Variants in GNPTG observed in about 807,000 individuals in gnomAD.
GNPTG encodes the protein N-acetylglucosamine-1-phosphotransferase subunit gamma.
GNPTG carries 46 observed loss-of-function variants against 43.8 expected under a neutral mutation model. The observed-to-expected ratio is 1.05, with a 90% CI of 0.83 to 1.34. The LOEUF (loss-of-function observed/expected upper bound fraction) is 1.34. Ranked by LOEUF, GNPTG falls within the 40% of genes most tolerant of loss-of-function variation. The pLI, the probability that GNPTG is intolerant of heterozygous loss-of-function variation, is 0.00. For synonymous variants in GNPTG, 250 were observed against 172.8 expected (o/e 1.45, Z -3.50); for missense variants, 549 against 411.3 (o/e 1.33, Z -2.90).
intron 3 of GNPTG, among the ~76,000 whole-genome samples, chr16:1,354,364 T>G (rs924959427): frequency 6.6e-5 from 10 of 151,542 alleles, no homozygotes; most frequent in African/African-American, 2.2e-4. Context: ...TCGCTTGAGG[T>G]CAGGAGTTCG....
chr16:1,363,015 A>G lies in GNPTG; in HGVS notation c.842A>G (p.His281Arg). ...TRPTETSNLE[H>R]LGHETPRAKS... The stretch of plus-strand genomic sequence containing the variant: ...TTGGCAGAAACTTCCAACTTGGAGC[A>G]CTTGGGCCACGAGACGCCCAGAGCC... The change falls in exon 11 of 11, where the codon CAC becomes CGC. Residue 281 changes from histidine (H) to arginine (R), a missense_variant. His to Arg is a conservative substitution (Grantham distance 29). Transcript: ENST00000204679. 6.2e-7 allele frequency: 1 copy of G among 1,614,134 alleles called. No individual in the cohort carries two copies.
At position 1,364,111 on chromosome 16, in the gene GNPTG, C is replaced by T. The variant is rs951234534; in HGVS notation, c.*1020C>T. The T allele has an allele frequency of 3.9e-5, 6 of 152,320 alleles. No individual in the cohort carries two copies. Among genetic ancestry groups the T allele is most frequent in the Middle Eastern group, 3.4e-3 (1 of 294 alleles). The allele number at this position is 152,320 out of a possible 1,614,324, so 9.4% of individuals were successfully genotyped here. On this transcript the variant is annotated 3_prime_UTR_variant, in exon 11 of 11. Transcript: ENST00000204679. Reference sequence around the variant, plus strand: ...ACAAATAAAAACAGAGTTTACACATCGATGACAGTAGCACAAAATATACGT... The same window carrying T: ...ACAAATAAAAACAGAGTTTACACATTGATGACAGTAGCACAAAATATACGT...
Position 1,362,133 on chromosome 16 carries a change from T to TGGGGCCTCAGACGGGAGCCCGGGAAGA in GNPTG, c.411+9_411+35dup, listed in dbSNP as rs768086598. On this transcript the variant is annotated splice_region_variant and intron_variant, in intron 6 of 10. Transcript: ENST00000204679. ...CGTTCCCGGAGCCGGCAGAGCAAGGTGGGGCCTCAGACGGGAGCCCGGGAA... is the reference window on the plus strand; with the variant it reads ...CGTTCCCGGAGCCGGCAGAGCAAGGTGGGGCCTCAGACGGGAGCCCGGGAAGAGGGGCCTCAGACGGGAGCCCGGGAA... 19 of 1,612,110 alleles carry TGGGGCCTCAGACGGGAGCCCGGGAAGA rather than the reference T, an allele frequency of 1.2e-5. No homozygotes were observed. Among genetic ancestry groups the TGGGGCCTCAGACGGGAGCCCGGGAAGA allele is most frequent in the Middle Eastern group, 1.6e-4 (1 of 6,080 alleles).
At chr16:1,352,435 A>T in intron 3 of GNPTG, 129 bp downstream of exon 3, 1 of 915,980 alleles carries the variant, frequency 1.1e-6, no homozygotes, top group Admixed American at 2.0e-5. Context: ...TTCTAAAATT[A>T]ATGTGGAAGT....
In GNPTG at chr16:1,364,002, CACT is replaced by C. The variant is rs2035038653; in HGVS notation, c.*912_*914del. 1 of 152,188 alleles carries C rather than the reference CACT, an allele frequency of 6.6e-6. No homozygotes were observed. Among genetic ancestry groups the C allele is most frequent in the African/African-American group, 2.4e-5 (1 of 41,436 alleles). The allele number at this position is 152,188 out of a possible 1,614,324, so 9.4% of individuals were successfully genotyped here. A position where few individuals can be genotyped will look rare whatever the true frequency, so the allele number is the denominator to read the frequency against. ...AGACTAGAGCTCAGCTGCTCCTGAC[CACT>C]GACAACCGGGAGATGTCTCGGCAGA... On this transcript the variant is annotated 3_prime_UTR_variant, in exon 11 of 11. Transcript: ENST00000204679.
Position 1,363,189 on chromosome 16 carries a change from G to C in GNPTG, c.*98G>C. 1 of 995,254 alleles carries C rather than the reference G, an allele frequency of 1.0e-6. No individual in the cohort carries two copies. The highest frequency in any genetic ancestry group is 1.3e-5 in the South Asian group (1 of 74,078). 61.7% of individuals were successfully genotyped at this position (995,254 alleles called of 1,614,324 possible). On this transcript the variant is annotated 3_prime_UTR_variant, in exon 11 of 11. Coordinates refer to ENST00000204679, the MANE Select transcript of GNPTG (RefSeq NM_032520.5). ...GACCAGCTGACCAGGCTTGTGCTCAGAGAAGCAGACAAAACAAAGATTCAA... is the reference window on the plus strand; with the variant it reads ...GACCAGCTGACCAGGCTTGTGCTCACAGAAGCAGACAAAACAAAGATTCAA...
At chr16:1,357,623 C>T (rs2034801740) in intron 3 of GNPTG, 1 of 152,434 alleles carries the variant, frequency 6.6e-6, no homozygotes, top group Non-Finnish European at 1.5e-5. Context: ...ACGCCATTCT[C>T]CTGCCTCAGC....
rs1451538466 is a variant in GNPTG, at chr16:1,362,740, A to C, written c.739A>C (p.Lys247Gln). The C allele has an allele frequency of 6.2e-7, 1 of 1,613,980 alleles. No individual in the cohort carries two copies. The highest frequency in any genetic ancestry group is 2.2e-5 in the East Asian group (1 of 44,894). Residue 247 changes from lysine to glutamine, a missense_variant and splice_region_variant, in exon 9 of 11, where the codon AAG (lysine) becomes CAG (glutamine). Coordinates refer to ENST00000204679, the MANE Select transcript of GNPTG (RefSeq NM_032520.5). The stretch of plus-strand genomic sequence containing the variant: ...GTTTGAGACCCTGGAAAACTGCAGG[A>C]AGGTACCGTATTGGGGGGAGGTGGT... ...LGFETLENCR[K>Q]AHKELSKEIK...
rs111882845 is a variant in GNPTG at position 1,363,187 on chromosome 16, C to T, written c.*96C>T. The T allele has an allele frequency of 1.0e-5, 10 of 990,192 alleles. No individual in the cohort carries two copies. Among genetic ancestry groups the T allele is most frequent in the African/African-American group, 8.0e-5 (5 of 62,462 alleles). 61.3% of individuals were successfully genotyped at this position (990,192 alleles called of 1,614,324 possible). Reference sequence around the variant, plus strand: ...GGGACCAGCTGACCAGGCTTGTGCTCAGAGAAGCAGACAAAACAAAGATTC... The same window carrying T: ...GGGACCAGCTGACCAGGCTTGTGCTTAGAGAAGCAGACAAAACAAAGATTC... On this transcript the variant is annotated 3_prime_UTR_variant, in exon 11 of 11. Coordinates refer to ENST00000204679, the MANE Select transcript of GNPTG (RefSeq NM_032520.5).
Position 1,361,787 on chromosome 16 carries a change from G to A in GNPTG, c.223G>A (p.Val75Met), listed in dbSNP as rs762024309. 1 of 1,614,112 alleles carries A rather than the reference G, an allele frequency of 6.2e-7. No homozygotes were observed. Among genetic ancestry groups the A allele is most frequent in the South Asian group, 1.1e-5 (1 of 91,084 alleles). The change falls in exon 4 of 11, where the codon GTG (valine) becomes ATG (methionine). Residue 75 changes from valine (V) to methionine (M), a missense_variant. Val to Met is a conservative substitution (Grantham distance 21). Coordinates refer to ENST00000204679, the MANE Select transcript of GNPTG (RefSeq NM_032520.5). ...FRLSGKCFSLVESTYKYEFCP... is the reference protein window; with the variant it reads ...FRLSGKCFSLMESTYKYEFCP... ...ACTCTCGGGCAAGTGCTTCAGCCTG[G>A]TGGAGTCCACGTGAGTGCAGGGTGG...
At chr16:1,362,422 AGC>A in intron 7 of GNPTG, 28 bp from the exon 8 acceptor site, 1 of 1,612,906 alleles carries the variant, frequency 6.2e-7, no homozygotes, top group Non-Finnish European at 8.5e-7. Flanking sequence ...CATGGGGTGC[AGC>A]TGAGCCTGGC....
In GNPTG at chr16:1,361,853, A is replaced by G. The variant is rs776752687; in HGVS notation, c.234-19A>G. The G allele has an allele frequency of 1.9e-6, 3 of 1,613,808 alleles. No individual in the cohort carries two copies. Among genetic ancestry groups the G allele is most frequent in the African/African-American group, 1.3e-5 (1 of 74,934 alleles). On this transcript the variant is annotated intron_variant, in intron 4 of 10. Transcript: ENST00000204679. ...GGGGCGCAGCCTGCGGACCCCCCTC[A>G]TGCCATCTGTGTCCCCAGGTACAAG... is the stretch of plus-strand genomic sequence containing the variant.
Position 1,362,146 on chromosome 16 carries a change from G to A in GNPTG, c.411+15G>A, listed in dbSNP as rs375386449. 3.5e-5 allele frequency: 56 copies of A among 1,612,384 alleles called. No individual in the cohort carries two copies. The African/African-American group carries it at 6.0e-4, about 17-fold the overall frequency. On this transcript the variant is annotated intron_variant, in intron 6 of 10. Coordinates refer to ENST00000204679, the MANE Select transcript of GNPTG (RefSeq NM_032520.5). ...GGCAGAGCAAGGTGGGGCCTCAGAC[G>A]GGAGCCCGGGAAGAGGGGCCCCAGT...
At chr16:1,355,028 C>T (rs1360855698) in intron 3 of GNPTG, among the ~76,000 whole-genome samples, 2 of 152,014 alleles carry the variant, frequency 1.3e-5, no homozygotes, top group Non-Finnish European at 2.9e-5. Flanking sequence ...GATCGTCTCC[C>T]GCATGTGCGG....
intron 4 of GNPTG, 32 bp downstream of exon 4, chr16:1,361,829 G>C (rs2034887539): frequency 6.2e-7 from 1 of 1,613,812 alleles, no homozygotes. Flanking sequence ...GGGTGGGCTG[G>C]GGCGCAGCCT....
At position 1,361,976 on chromosome 16, in the gene GNPTG, G is replaced by C. The variant is rs112358354; in HGVS notation, c.317+21G>C. 55 of 1,613,376 alleles carry C rather than the reference G, an allele frequency of 3.4e-5. No homozygotes were observed. The African/African-American group carries it at 5.9e-4, about 17-fold the overall frequency. On this transcript the variant is annotated intron_variant, in intron 5 of 10. Coordinates refer to ENST00000204679, the MANE Select transcript of GNPTG (RefSeq NM_032520.5). ...CTCGGGTGAGTGGGGCCGGGGCAGG[G>C]ATCCCAAAGCAGCAGCGCAGCTCCC...
chr16:1,362,196 C>T lies in GNPTG; in HGVS notation c.412-10C>T, dbSNP rs1596614122. 15 of 1,613,480 alleles carry T rather than the reference C, an allele frequency of 9.3e-6. No individual in the cohort carries two copies. The highest frequency in any genetic ancestry group is 1.3e-5 in the Non-Finnish European group (15 of 1,179,914). On this transcript the variant is annotated splice_polypyrimidine_tract_variant and intron_variant, in intron 6 of 10. Transcript: ENST00000204679. ...TCTCCCCAACCCACCTACCCACGTTCCCTCCCCAGGTGGAGCTGGCGTGTG... is the reference window on the plus strand; with the variant it reads ...TCTCCCCAACCCACCTACCCACGTTTCCTCCCCAGGTGGAGCTGGCGTGTG...
intron 3 of GNPTG, among the ~76,000 whole-genome samples, chr16:1,356,781 A>T (rs950769379): frequency 1.3e-5 from 2 of 152,140 alleles, no homozygotes; most frequent in African/African-American, 4.8e-5. Context: ...GTCTCCAAGC[A>T]GTGTCTGCCT....
Position 1,362,871 on chromosome 16 carries a change from T to C in GNPTG, c.788T>C (p.Leu263Pro). The change falls in exon 10 of 11, where the codon CTC becomes CCC. Residue 263 changes from leucine to proline, a missense_variant. Physicochemically the swap from Leu to Pro is moderately conservative, Grantham distance 98. Transcript: ENST00000204679. ...GAGATCAAAAGGCTGAAAGGTTTGC[T>C]CACCCAGCACGGCATCCCCTACACG... ...SKEIKRLKGL[L>P]TQHGIPYTRP... 1 of 1,613,692 alleles carries C rather than the reference T, an allele frequency of 6.2e-7. No homozygotes were observed. The highest frequency in any genetic ancestry group is 8.5e-7 in the Non-Finnish European group (1 of 1,179,932).
Sources: gnomAD v4.1 joint callset for allele counts (sites outside exome capture counted in the v4.1 genomes callset) on GRCh38, gnomAD v4.1.1 for gene constraint, MANE v1.5 for transcripts, NCBI Gene and HGNC (gene_info 2026-07-23, HGNC 2026-07-21) for gene names.